Variants in SLC2A12 observed in about 807,000 individuals in gnomAD.
SLC2A12 encodes solute carrier family 2, facilitated glucose transporter member 12.
Under a neutral mutation model 41.8 loss-of-function variants are expected in SLC2A12, and 23 were observed. The ratio of observed to expected loss-of-function variants is 0.55; its 90% CI spans 0.40 to 0.78. The LOEUF is 0.78. Among genes scored for constraint, SLC2A12 ranks in the 30% least tolerant of loss-of-function variants. The pLI is 0.00. For synonymous variants in SLC2A12, 295 were observed against 285.9 expected (o/e 1.03, Z -0.32); for missense variants, 654 against 745.6 (o/e 0.88, Z 1.43).
At chr6:134,026,601 G>A (rs1477742701) in intron 2 of SLC2A12, among the ~76,000 whole-genome samples, 4 of 152,104 alleles carry the variant, frequency 2.6e-5, no homozygotes, top group Non-Finnish European at 5.9e-5. Context: ...ATCTGTTTCC[G>A]GGAAACTGTT....
intron 3 of SLC2A12, among the ~76,000 whole-genome samples, chr6:134,004,596 T>G (rs1156658092): frequency 6.6e-6 from 1 of 152,236 alleles, no homozygotes; most frequent in Non-Finnish European, 1.5e-5. Flanking sequence ...CAGTCTGGAT[T>G]TTCTTGATTG....
chr6:134,033,626 G>T lies in SLC2A12; in HGVS notation c.104-3905C>A, dbSNP rs75868370. ...GTGAAGGACCTGGGAAGGGCATGTG[G>T]TGTGACAGAGGGCACCTGGGGCTGC... On this transcript the variant is annotated intron_variant, in intron 1 of 4. Coordinates refer to ENST00000275230, the MANE Select transcript of SLC2A12 (RefSeq NM_145176.3). Among the ~76,000 whole-genome samples, 1,375 of 152,244 alleles carry T rather than the reference G, an allele frequency of 9.0e-3. 26 individuals carry two copies. The highest frequency in any genetic ancestry group is 0.032 in the African/African-American group (1,330 of 41,542).
chr6:134,006,984 C>A, intron 2 of SLC2A12, 50 bp from the exon 3 acceptor site: 3 of 1,608,456 alleles, frequency 1.9e-6, no homozygotes, highest in Non-Finnish European at 2.5e-6. Context: ...AGCAAAAACC[C>A]ATTGAATCTG....
intron 1 of SLC2A12, among the ~76,000 whole-genome samples, chr6:134,040,627 C>T (rs1317967463): frequency 1.3e-5 from 2 of 152,202 alleles, no homozygotes; most frequent in South Asian, 2.1e-4. Flanking sequence ...CCAGGAATTA[C>T]GTTCCCTCAC....
intron 2 of SLC2A12, among the ~76,000 whole-genome samples, chr6:134,021,778 G>A (rs892076338): frequency 2.0e-5 from 3 of 152,206 alleles, no homozygotes; most frequent in African/African-American, 7.2e-5. Context: ...CACACTAGTA[G>A]TTCATACAAA....
rs1554305068 is a variant in SLC2A12 at position 133,987,660 on chromosome 6, A to ATATG, written c.*3494_*3495insCATA. 2.1e-5 allele frequency: 3 copies of ATATG among 145,118 alleles called. No homozygotes were observed. Among genetic ancestry groups the ATATG allele is most frequent in the Admixed American group, 7.1e-5 (1 of 14,052 alleles). The allele number at this position is 145,118 out of a possible 1,614,324, so 9.0% of individuals were successfully genotyped here. The stretch of plus-strand genomic sequence containing the variant: ...TGTGTGTGTGTGTGTATATATATAT[A>ATATG]TATATATGCACCACATGTGTATAGT... On this transcript the variant is annotated 3_prime_UTR_variant, in exon 5 of 5. Transcript: ENST00000275230.
rs752817945 is a variant in SLC2A12 at position 134,052,508 on chromosome 6, C to T, written c.-28G>A. ...TCACGTAGAAGTTACAGCCGCTTCC[C>T]CGCCACCAAACCGCCCCGACCACCC... On this transcript the variant is annotated 5_prime_UTR_variant, in exon 1 of 5. Transcript: ENST00000275230. 2.5e-6 allele frequency: 4 copies of T among 1,596,026 alleles called. No homozygotes were observed. Among genetic ancestry groups the T allele is most frequent in the Non-Finnish European group, 3.4e-6 (4 of 1,166,838 alleles).
At chr6:134,016,016 G>A (rs886102744) in intron 2 of SLC2A12, among the ~76,000 whole-genome samples, 2 of 152,044 alleles carry the variant, frequency 1.3e-5, no homozygotes, top group East Asian at 1.9e-4. Flanking sequence ...TTGTTGTTTC[G>A]AATAGAAAGA....
chr6:134,004,630 C>T (rs761700773), intron 3 of SLC2A12, among the ~76,000 whole-genome samples: 3 of 152,174 alleles, frequency 2.0e-5, no homozygotes, highest in Non-Finnish European at 4.4e-5. Flanking sequence ...TGTTCCTCAT[C>T]TATATATGAA....
chr6:133,994,098 G>A (rs1302883588), intron 4 of SLC2A12, among the ~76,000 whole-genome samples: 1 of 152,202 alleles, frequency 6.6e-6, no homozygotes, highest in African/African-American at 2.4e-5. Flanking sequence ...CTCAGACCAG[G>A]GCAGCCGTGA....
At chr6:134,046,698 C>T (rs1777459844) in intron 1 of SLC2A12, among the ~76,000 whole-genome samples, 1 of 152,040 alleles carries the variant, frequency 6.6e-6, no homozygotes, top group African/African-American at 2.4e-5. Context: ...GTAATCCCAG[C>T]TTCTTGGGTG....
chr6:134,035,849 C>T (rs1777290353), intron 1 of SLC2A12, among the ~76,000 whole-genome samples: 1 of 152,174 alleles, frequency 6.6e-6, no homozygotes, highest in Non-Finnish European at 1.5e-5. Context: ...AGCTGTGATT[C>T]AATCAAGCAG....
intron 4 of SLC2A12, among the ~76,000 whole-genome samples, chr6:133,996,173 A>G (rs1319713118): frequency 6.6e-6 from 1 of 152,204 alleles, no homozygotes; most frequent in Non-Finnish European, 1.5e-5. Context: ...AATGAATTGG[A>G]TGGATGGATG....
In SLC2A12 at chr6:134,018,207, C is replaced by A. The variant is rs370019643; in HGVS notation, c.1444+10174G>T. Among the ~76,000 whole-genome samples the A allele has an allele frequency of 2.0e-5, 3 of 152,168 alleles. No homozygotes were observed. The East Asian group carries it at 5.8e-4, about 29-fold the overall frequency. On this transcript the variant is annotated intron_variant, in intron 2 of 4. Transcript: ENST00000275230. ...CAGAACTGTTCACCTCATGTCTAGA[C>A]CACAGCCAGACATTTAATAACACTA...
intron 2 of SLC2A12, among the ~76,000 whole-genome samples, chr6:134,014,301 G>T (rs1776927026): frequency 6.6e-6 from 1 of 152,088 alleles, no homozygotes; most frequent in Non-Finnish European, 1.5e-5. Flanking sequence ...AGCTTCACTT[G>T]CTCACCCATA....
At chr6:134,040,060 T>TTG (rs1554208999) in intron 1 of SLC2A12, among the ~76,000 whole-genome samples, 75 of 145,000 alleles carry the variant, frequency 5.2e-4, no homozygotes, top group African/African-American at 1.9e-3. Context: ...TGTTTTTTGT[T>TTG]TTTTTTTTTT....
intron 2 of SLC2A12, among the ~76,000 whole-genome samples, chr6:134,015,683 T>C (rs1467883243): frequency 6.6e-6 from 1 of 152,170 alleles, no homozygotes; most frequent in African/African-American, 2.4e-5. Flanking sequence ...AGAATCTTTT[T>C]TGAAACACCT....
At chr6:134,006,520 T>C (rs1776818404) in intron 3 of SLC2A12, among the ~76,000 whole-genome samples, 1 of 152,154 alleles carries the variant, frequency 6.6e-6, no homozygotes, top group Non-Finnish European at 1.5e-5. Context: ...ATAATGACAT[T>C]GTAGTTATAT....
intron 2 of SLC2A12, among the ~76,000 whole-genome samples, chr6:134,009,579 G>A (rs1029627345): frequency 1.3e-5 from 2 of 152,074 alleles, no homozygotes; most frequent in African/African-American, 4.8e-5. Flanking sequence ...CCAGCACTTT[G>A]GGAGGCTGAG....
Sources: gnomAD v4.1 joint callset for allele counts (sites outside exome capture counted in the v4.1 genomes callset) on GRCh38, gnomAD v4.1.1 for gene constraint, MANE v1.5 for transcripts, NCBI Gene and HGNC (gene_info 2026-07-23, HGNC 2026-07-21) for gene names.